CFAP161: variants seen among roughly 807,000 people sequenced by gnomAD.
CFAP161 encodes the protein cilia- and flagella-associated protein 161.
CFAP161 carries 25 observed loss-of-function variants against 29.0 expected under a neutral mutation model. The ratio of observed to expected loss-of-function variants is 0.86; its 90% CI spans 0.63 to 1.20. CFAP161 has a LOEUF of 1.20. Ranked by LOEUF, CFAP161 falls within the 50% of genes most tolerant of loss-of-function variation. The probability of loss-of-function intolerance (pLI) is 0.00; values close to 1 mark genes in which losing one functional copy is unlikely to be tolerated. For synonymous variants in CFAP161, 116 were observed against 137.4 expected (o/e 0.84, Z 1.09); for missense variants, 367 against 371.9 (o/e 0.99, Z 0.11).
At chr15:81,105,762 C>T (rs959436040) in intron 1 of CFAP161, among the ~76,000 whole-genome samples, 3 of 152,166 alleles carry the variant, frequency 2.0e-5, no homozygotes, top group Non-Finnish European at 2.9e-5. Flanking sequence ...ATTAAGTCCA[C>T]GTGATGTGCA....
At chr15:81,102,660 C>A (rs559367443) in intron 1 of CFAP161, among the ~76,000 whole-genome samples, 8 of 152,210 alleles carry the variant, frequency 5.3e-5, no homozygotes, top group African/African-American at 1.9e-4. Flanking sequence ...AGAATGAGAT[C>A]CTGTTTCAAA....
chr15:81,148,545 C>T lies in CFAP161; in HGVS notation c.*12C>T, dbSNP rs767626135. 8.7e-6 allele frequency: 14 copies of T among 1,603,046 alleles called. No individual in the cohort carries two copies. Among genetic ancestry groups the T allele is most frequent in the Admixed American group, 8.4e-5 (5 of 59,804 alleles). Reference sequence around the variant, plus strand: ...TTGACACGCAGTAACACGCCAGGCACGTGCATGTTTTCCCTGGTCCCGCTC... The same window carrying T: ...TTGACACGCAGTAACACGCCAGGCATGTGCATGTTTTCCCTGGTCCCGCTC... On this transcript the variant is annotated 3_prime_UTR_variant, in exon 7 of 7. Coordinates refer to ENST00000286732, the MANE Select transcript of CFAP161 (RefSeq NM_173528.4).
At chr15:81,121,216 C>T (rs1485607685) in intron 1 of CFAP161, among the ~76,000 whole-genome samples, 1 of 152,168 alleles carries the variant, frequency 6.6e-6, no homozygotes, top group African/African-American at 2.4e-5. Context: ...CCTATACTTC[C>T]TCTATCTTAA....
chr15:81,144,425 G>A (rs1894971315), intron 5 of CFAP161, among the ~76,000 whole-genome samples: 1 of 151,986 alleles, frequency 6.6e-6, no homozygotes, highest in African/African-American at 2.4e-5. Context: ...CAAAACCCCT[G>A]TCTCTACAAA....
intron 2 of CFAP161, among the ~76,000 whole-genome samples, chr15:81,128,215 C>G (rs1363609667): frequency 6.6e-6 from 1 of 152,152 alleles, no homozygotes; most frequent in African/African-American, 2.4e-5. Flanking sequence ...ACATTAGTGA[C>G]TCTGTTTTAA....
intron 1 of CFAP161, among the ~76,000 whole-genome samples, chr15:81,120,393 G>T (rs1894556922): frequency 6.6e-6 from 1 of 152,174 alleles, no homozygotes; most frequent in Non-Finnish European, 1.5e-5. Context: ...AATTATATTG[G>T]AGGAAAACAT....
At chr15:81,106,313 CTA>C (rs1338938519) in intron 1 of CFAP161, among the ~76,000 whole-genome samples, 1 of 152,210 alleles carries the variant, frequency 6.6e-6, no homozygotes, top group Admixed American at 6.5e-5. Context: ...AAACCTAAGA[CTA>C]TTGCAAGTAG....
At chr15:81,133,216 TATATATATG>T (rs1203781658), upstream of CFAP161, among the ~76,000 whole-genome samples, 325 of 36,666 alleles carry the variant, frequency 8.9e-3, 14 homozygotes, top group Middle Eastern at 0.023. Flanking sequence ...TATATATATA[TATATATATG>T]TATTTTTTTT....
chr15:81,099,894 C>T (rs138746596), intron 1 of CFAP161, among the ~76,000 whole-genome samples: 1 of 152,198 alleles, frequency 6.6e-6, no homozygotes, highest in East Asian at 1.9e-4. Context: ...TTCCTCCTCA[C>T]GTATATTTCC....
upstream of CFAP161, among the ~76,000 whole-genome samples, chr15:81,131,135 GTA>G (rs1894705828): frequency 1.6e-5 from 1 of 62,354 alleles, no homozygotes. Flanking sequence ...CCTTCAATTT[GTA>G]AAAAAAAAAA....
At chr15:81,133,994 G>A (rs1894760969), upstream of CFAP161, among the ~76,000 whole-genome samples, 1 of 152,186 alleles carries the variant, frequency 6.6e-6, no homozygotes, top group African/African-American at 2.4e-5. Context: ...GCCTCGACAA[G>A]CAAGGGGTAC....
chr15:81,134,098 A>G (rs527941271), upstream of CFAP161: 25 of 529,548 alleles, frequency 4.7e-5, 1 homozygote, highest in South Asian at 5.9e-4. Flanking sequence ...CCTCTCGCCC[A>G]CCCTGCAGTT....
chr15:81,134,250 T>C (rs1894766654), upstream of CFAP161: 14 of 1,511,274 alleles, frequency 9.3e-6, no homozygotes, highest in Admixed American at 9.9e-5. Flanking sequence ...ACCAATCGCC[T>C]GGGGCCGGGT....
chr15:81,135,464 A>G lies in CFAP161; in HGVS notation c.159+105A>G. 6.4e-6 allele frequency: 4 copies of G among 622,264 alleles called. No homozygotes were observed. The South Asian group carries it at 7.1e-5, about 11-fold the overall frequency. 38.5% of individuals were successfully genotyped at this position (622,264 alleles called of 1,614,324 possible). ...TATGCTATGTTGGTGTGCTGCACCC[A>G]TTAACTCGTCATTTAACATTAGGTA... On this transcript the variant is annotated intron_variant, in intron 2 of 6. Coordinates refer to ENST00000286732, the MANE Select transcript of CFAP161 (RefSeq NM_173528.4).
intron 1 of CFAP161, among the ~76,000 whole-genome samples, chr15:81,126,424 A>G (rs1007583745): frequency 4.6e-5 from 7 of 152,224 alleles, no homozygotes; most frequent in East Asian, 1.9e-4. Flanking sequence ...GAATTGTATA[A>G]GAAAAATGAA....
upstream of CFAP161, among the ~76,000 whole-genome samples, chr15:81,133,854 G>T (rs1894757776): frequency 6.6e-6 from 1 of 152,040 alleles, no homozygotes; most frequent in Non-Finnish European, 1.5e-5. Flanking sequence ...GTTTCCAAAT[G>T]TGTACATTGA....
At chr15:81,139,731 A>C (rs1278408169) in intron 4 of CFAP161, among the ~76,000 whole-genome samples, 1 of 152,248 alleles carries the variant, frequency 6.6e-6, no homozygotes, top group East Asian at 1.9e-4. Flanking sequence ...TCAAACTTCA[A>C]ATTAGGAATT....
At chr15:81,105,597 C>A (rs1328747258) in intron 1 of CFAP161, among the ~76,000 whole-genome samples, 2 of 152,028 alleles carry the variant, frequency 1.3e-5, no homozygotes, top group Non-Finnish European at 2.9e-5. Context: ...GGAGGGATAG[C>A]AACTTATCTG....
intron 1 of CFAP161, among the ~76,000 whole-genome samples, chr15:81,118,585 G>C (rs1894530348): frequency 6.6e-6 from 1 of 152,206 alleles, no homozygotes; most frequent in South Asian, 2.1e-4. Context: ...CGGGGGGCTC[G>C]CGGTGGCGGG....
Sources: allele counts gnomAD v4.1 joint callset (sites outside exome capture counted in the v4.1 genomes callset), GRCh38; gene constraint gnomAD v4.1.1; transcripts MANE v1.5; gene names NCBI Gene and HGNC (gene_info 2026-07-23, HGNC 2026-07-21).